FASTKD3: variants seen among roughly 807,000 people sequenced by gnomAD.
FASTKD3 encodes FAST kinase domain-containing protein 3, mitochondrial.
In FASTKD3, 47 loss-of-function variants were observed where a neutral mutation model predicts 49.7. The ratio of observed to expected loss-of-function variants is 0.95; its 90% confidence interval spans 0.75 to 1.21. FASTKD3 has a LOEUF of 1.21. Ranked by LOEUF, FASTKD3 falls within the 50% of genes most tolerant of loss-of-function variation. The pLI, the probability that FASTKD3 is intolerant of heterozygous loss-of-function variation, is 0.00. For missense variants in FASTKD3, 748 were observed against 765.7 expected (o/e 0.98, Z 0.27); for synonymous variants, 284 against 288.6 (o/e 0.98, Z 0.16).
intron 6 of FASTKD3, 103 bp downstream of exon 6, chr5:7,861,046 A>C: frequency 1.4e-6 from 1 of 694,462 alleles, no homozygotes; most frequent in Non-Finnish European, 2.4e-6. Flanking sequence ...CAAATTCTTT[A>C]AAATTTTACT....
At position 7,867,135 on chromosome 5, in the gene FASTKD3, T is replaced by C; in HGVS notation, c.949A>G (p.Lys317Glu). The stretch of plus-strand genomic sequence containing the variant: ...TGCCTCACGACATATTTGCCCAATT[T>C]TATAATCAGAGGAAATGCTTGACTT... Reference protein sequence around the residue: ...DQSQAFPLIIKLGKYVVRHVP... With the variant: ...DQSQAFPLIIELGKYVVRHVP... The change falls in exon 2 of 7, where the codon AAA (lysine) becomes GAA (glutamate). Residue 317 changes from lysine (K) to glutamate (E), a missense_variant. Coordinates refer to ENST00000264669, the MANE Select transcript of FASTKD3 (RefSeq NM_024091.4). The C allele has an allele frequency of 6.2e-7, 1 of 1,614,200 alleles. No homozygotes were observed. The highest frequency in any genetic ancestry group is 2.2e-5 in the East Asian group (1 of 44,888).
At chr5:7,865,824 G>C (rs1746904944) in intron 3 of FASTKD3, 74 bp downstream of exon 3, 1 of 1,146,726 alleles carries the variant, frequency 8.7e-7, no homozygotes, top group African/African-American at 1.5e-5. Flanking sequence ...TATTGAGACA[G>C]ATCAGAAGTA....
intron 4 of FASTKD3, among the ~76,000 whole-genome samples, 195 bp downstream of exon 4, chr5:7,862,628 C>T (rs538025343): frequency 9.2e-4 from 140 of 152,218 alleles, no homozygotes; most frequent in African/African-American, 3.3e-3. Flanking sequence ...TCTGCTACTA[C>T]GTGGCTAATA....
rs767614377 is a variant in FASTKD3, at chr5:7,867,859, T to G, written c.225A>C (p.Pro75=). 2 of 1,613,886 alleles carry G rather than the reference T, an allele frequency of 1.2e-6. No individual in the cohort carries two copies. The highest frequency in any genetic ancestry group is 2.2e-5 in the South Asian group (2 of 91,036). The change falls in exon 2 of 7, where the codon CCA becomes CCC. Residue 75 remains proline, a synonymous_variant. Coordinates refer to ENST00000264669, the MANE Select transcript of FASTKD3 (RefSeq NM_024091.4). ...CTTGAGAGAACACTGGTCCACCGAG[T>G]GGATGAAGGTCATTTCCATTTTTCG... ...FHSKNGNDLH[P]LGGPVFSQVS...
rs370366494 is a variant in FASTKD3, at chr5:7,867,340, C to T, written c.744G>A (p.Leu248=). 40 of 1,613,918 alleles carry T rather than the reference C, an allele frequency of 2.5e-5. No individual in the cohort carries two copies. The African/African-American group carries it at 5.1e-4, about 20-fold the overall frequency. The part of the protein sequence containing the change: ...LIINQLQGEK[L]ETFTPEDIVA... ...CAATATCCTCCGGGGTAAATGTTTC[C>T]AATTTTTCACCTTGAAGTTGATTTA... Residue 248 remains leucine, a synonymous_variant, in exon 2 of 7, where the codon TTG becomes TTA. Transcript: ENST00000264669.
chr5:7,861,495 AT>A (rs1191514396), intron 5 of FASTKD3, 87 bp downstream of exon 5: 8 of 976,062 alleles, frequency 8.2e-6, no homozygotes, highest in Non-Finnish European at 1.1e-5. Flanking sequence ...AATCATATCT[AT>A]TTTTTTCACC....
At chr5:7,868,300 T>C in intron 1 of FASTKD3, 104 bp from the exon 2 acceptor site, 1 of 489,314 alleles carries the variant, frequency 2.0e-6, no homozygotes, top group East Asian at 3.3e-5. Context: ...CATTGAACAA[T>C]AACAATCGCT....
intron 6 of FASTKD3, among the ~76,000 whole-genome samples, chr5:7,860,544 C>T (rs1746463792): frequency 6.6e-6 from 1 of 152,136 alleles, no homozygotes; most frequent in Non-Finnish European, 1.5e-5. Flanking sequence ...AAAATCAAAG[C>T]TCTGAAAATT....
chr5:7,866,185 GC>G (rs1449829021), intron 2 of FASTKD3, among the ~76,000 whole-genome samples: 2 of 151,944 alleles, frequency 1.3e-5, no homozygotes, highest in Non-Finnish European at 2.9e-5. Flanking sequence ...CAAGCTCCTA[GC>G]TACAGAATAC....
In FASTKD3 at chr5:7,867,014, T is replaced by C. The variant is rs371168588; in HGVS notation, c.1070A>G (p.His357Arg). The C allele has an allele frequency of 2.5e-6, 4 of 1,614,212 alleles. No homozygotes were observed. The highest frequency in any genetic ancestry group is 1.3e-5 in the African/African-American group (1 of 75,054). The stretch of plus-strand genomic sequence containing the variant: ...CGTGAGGCACACCGCAGCTACACGA[T>C]GCTCTAGGGCTTTTGTAAAAAATGT... ...HDTFFTKALE[H>R]RVAAVCLTLD... The change falls in exon 2 of 7, where the codon CAT (histidine) becomes CGT (arginine). Residue 357 changes from histidine to arginine, a missense_variant. Transcript: ENST00000264669.
rs1483806068 is a variant in FASTKD3, at chr5:7,867,537, G to A, written c.547C>T (p.Gln183Ter). 4.3e-6 allele frequency: 7 copies of A among 1,614,144 alleles called. No individual in the cohort carries two copies. Among genetic ancestry groups the A allele is most frequent in the South Asian group, 3.3e-5 (3 of 91,092 alleles). The change falls in exon 2 of 7, where the codon CAA (glutamine) becomes TAA (stop). Residue 183 changes from glutamine to a stop codon, truncating the protein, a stop_gained. Coordinates refer to ENST00000264669, the MANE Select transcript of FASTKD3 (RefSeq NM_024091.4). LOFTEE classifies it high-confidence loss of function. ...TCCACATGCAACAGAATCAGAGCTTGCAAAGCAGTCACTAAACTAGTGTTT... is the reference window on the plus strand; with the variant it reads ...TCCACATGCAACAGAATCAGAGCTTACAAAGCAGTCACTAAACTAGTGTTT... Reference protein sequence around the residue: ...LSNTSLVTALQALILLHVDPQ... With the variant: ...LSNTSLVTAL
At chr5:7,862,701 C>CA (rs1478173265) in intron 4 of FASTKD3, 122 bp downstream of exon 4, 1 of 829,884 alleles carries the variant, frequency 1.2e-6, no homozygotes, top group Admixed American at 2.4e-5. Context: ...AACTTGCCTT[C>CA]AGGGAAGGGA....
At chr5:7,862,712 C>T (rs1022900861) in intron 4 of FASTKD3, 111 bp downstream of exon 4, 7 of 909,508 alleles carry the variant, frequency 7.7e-6, no homozygotes, top group Non-Finnish European at 1.2e-5. Flanking sequence ...AGGGAAGGGA[C>T]CATTCCATTT....
intron 3 of FASTKD3, among the ~76,000 whole-genome samples, chr5:7,864,883 G>GA (rs938560297): frequency 6.6e-6 from 1 of 150,960 alleles, no homozygotes; most frequent in African/African-American, 2.5e-5. Context: ...GTTTATATAT[G>GA]AAAAAAACCA....
Position 7,865,902 on chromosome 5 carries a change from T to C in FASTKD3, c.1520A>G (p.Tyr507Cys), listed in dbSNP as rs1179774909. ...ACATATAGTTCATGCTTTTACCTTA[T>C]AGAAAGGGCATTCCAGGACTGAGGC... ...FLASVLECPF[Y>C]KGPKLLPKYQ... Residue 507 changes from tyrosine (Y) to cysteine (C), a missense_variant, in exon 3 of 7, where the codon TAT becomes TGT. Tyr to Cys is a radical substitution (Grantham distance 194, BLOSUM62 -2). Coordinates refer to ENST00000264669, the MANE Select transcript of FASTKD3 (RefSeq NM_024091.4). 4 of 1,613,140 alleles carry C rather than the reference T, an allele frequency of 2.5e-6. No homozygotes were observed. The highest frequency in any genetic ancestry group is 1.6e-4 in the Middle Eastern group (1 of 6,062).
rs750255332 is a variant in FASTKD3, at chr5:7,868,967, G to C, written c.-114+12C>G. 3.8e-6 allele frequency: 3 copies of C among 788,020 alleles called. No individual in the cohort carries two copies. The highest frequency in any genetic ancestry group is 4.4e-6 in the Non-Finnish European group (2 of 453,712). The allele number at this position is 788,020 out of a possible 1,614,324, so 48.8% of individuals were successfully genotyped here. A position where few individuals can be genotyped will look rare whatever the true frequency, so the allele number is the denominator to read the frequency against. On this transcript the variant is annotated intron_variant, in intron 1 of 6. Transcript: ENST00000264669. Reference sequence around the variant, plus strand: ...CGGACCAACTGCGCGGAGACCCCGCGTTGACACCTACCGCGCTCTGCCGGG... The same window carrying C: ...CGGACCAACTGCGCGGAGACCCCGCCTTGACACCTACCGCGCTCTGCCGGG...
intron 3 of FASTKD3, 121 bp from the exon 4 acceptor site, chr5:7,863,118 C>G: frequency 1.2e-6 from 1 of 831,820 alleles, no homozygotes; most frequent in East Asian, 2.5e-5. Context: ...TGATACTTTT[C>G]CAGGAATTGG....
intron 4 of FASTKD3, among the ~76,000 whole-genome samples, chr5:7,862,553 A>G (rs11749024): frequency 0.015 from 2,267 of 152,184 alleles, 29 homozygotes; most frequent in Non-Finnish European, 0.024. Context: ...TTTGAGGTCA[A>G]TATTACTATC....
intron 2 of FASTKD3, 66 bp downstream of exon 2, chr5:7,866,580 G>T: frequency 1.6e-6 from 2 of 1,218,160 alleles, no homozygotes; most frequent in Non-Finnish European, 1.2e-6. Flanking sequence ...CTTTATATGT[G>T]ACTTGAAACC....
Sources: allele counts gnomAD v4.1 joint callset (sites outside exome capture counted in the v4.1 genomes callset), GRCh38; gene constraint gnomAD v4.1.1; transcripts MANE v1.5; gene names NCBI Gene and HGNC (gene_info 2026-07-23, HGNC 2026-07-21).